The following ZBBX variants were observed in gnomAD, a reference collection of about 807,000 sequenced individuals.
ZBBX encodes zinc finger B-box domain containing, also known as zinc finger B-box domain-containing protein 1.
In ZBBX, 101 loss-of-function variants were observed where a neutral mutation model predicts 108.5. That is an observed-to-expected ratio of 0.93 (90% CI 0.79 to 1.10). The LOEUF is 1.10. Ranked by LOEUF, ZBBX falls within the 50% of genes least tolerant of loss-of-function variation. ZBBX has a pLI of 0.00. For synonymous variants in ZBBX, 356 were observed against 323.4 expected, an observed-to-expected ratio of 1.10 and a Z score of -1.08; for missense variants, 1,009 against 941.4, an observed-to-expected ratio of 1.07 and a Z score of -0.94.
At chr3:167,222,095 G>C in the ZBBX span, among the ~76,000 whole-genome samples, 1 of 151,930 alleles carries the variant, frequency 6.6e-6, no homozygotes, top group African/African-American at 2.4e-5. Context: ...TCAAGAGATA[G>C]CTGCACTTCT....
At chr3:167,219,973 T>C in the ZBBX span, among the ~76,000 whole-genome samples, 2,033 of 152,098 alleles carry the variant, frequency 0.013, 22 homozygotes, top group South Asian at 0.026. Flanking sequence ...TGAGGAACAA[T>C]GTGCCAATAA....
chr3:167,328,992 C>T (rs1737905350), intron 10 of ZBBX, among the ~76,000 whole-genome samples: 1 of 151,976 alleles, frequency 6.6e-6, no homozygotes, highest in Non-Finnish European at 1.5e-5. Context: ...TGGATTTTGT[C>T]TTTTTTCTTA....
At chr3:167,305,134 C>CCTT (rs1733391737) in intron 17 of ZBBX, among the ~76,000 whole-genome samples, 1 of 151,920 alleles carries the variant, frequency 6.6e-6, no homozygotes, top group Non-Finnish European at 1.5e-5. Context: ...TAATGAGCTA[C>CCTT]TTTACCTTTC....
rs1030722023 is a variant in ZBBX at position 167,386,974 on chromosome 3, G to A, written c.-445-6569C>T. ...AAGGGCAGATTTTTCATTAGATTTTGTAAAATATTTTATAATAACTGCCTT... is the reference window on the plus strand; with the variant it reads ...AAGGGCAGATTTTTCATTAGATTTTATAAAATATTTTATAATAACTGCCTT... On this transcript the variant is annotated intron_variant, in intron 1 of 21. Transcript: ENST00000455345. Among the ~76,000 whole-genome samples the A allele has an allele frequency of 4.6e-5, 7 of 151,868 alleles. No individual in the cohort carries two copies. The East Asian group carries it at 1.4e-3, about 29-fold the overall frequency.
chr3:167,221,673 A>C, the ZBBX span, among the ~76,000 whole-genome samples: 3 of 152,048 alleles, frequency 2.0e-5, no homozygotes, highest in African/African-American at 7.2e-5. Context: ...AAATGGGATC[A>C]CATCAATTTA....
intron 1 of ZBBX, among the ~76,000 whole-genome samples, chr3:167,399,888 GC>G (rs1336232614): frequency 1.1e-4 from 16 of 151,998 alleles, no homozygotes; most frequent in Non-Finnish European, 1.5e-4. Flanking sequence ...GTAGTCCTCA[GC>G]ATCTACTGTT....
At chr3:167,368,984 ATTTTTGCTGAACTGGTCAC>A (rs1248235592) in intron 4 of ZBBX, among the ~76,000 whole-genome samples, 1 of 152,094 alleles carries the variant, frequency 6.6e-6, no homozygotes. Flanking sequence ...CGAAATATAC[ATTTTTGCTGAACTGGTCAC>A]CTCCAAAATT....
At chr3:167,373,928 G>A (rs565614737) in intron 2 of ZBBX, 141 bp from the exon 3 acceptor site, 2 of 152,104 alleles carry the variant, frequency 1.3e-5, no homozygotes, top group African/African-American at 4.8e-5. Flanking sequence ...GATGTTCAAG[G>A]GTAAACTGTA....
At chr3:167,322,590 G>C (rs896453619) in intron 11 of ZBBX, among the ~76,000 whole-genome samples, 1 of 151,952 alleles carries the variant, frequency 6.6e-6, no homozygotes, top group Non-Finnish European at 1.5e-5. Context: ...AAGTGTTATA[G>C]CCACTGACAA....
chr3:167,393,665 C>T (rs939701383), intron 1 of ZBBX, among the ~76,000 whole-genome samples: 4 of 151,918 alleles, frequency 2.6e-5, no homozygotes, highest in South Asian at 2.1e-4. Flanking sequence ...TAGTTGTTTG[C>T]GTTTCACTGA....
intron 1 of ZBBX, among the ~76,000 whole-genome samples, chr3:167,400,029 G>C (rs1398852720): frequency 6.6e-6 from 1 of 152,100 alleles, no homozygotes; most frequent in Non-Finnish European, 1.5e-5. Flanking sequence ...TGCTGCAGAG[G>C]AAATGATTTC....
intron 11 of ZBBX, among the ~76,000 whole-genome samples, chr3:167,323,248 G>GA (rs1033381300): frequency 6.9e-6 from 1 of 145,178 alleles, no homozygotes; most frequent in Admixed American, 6.9e-5. Flanking sequence ...AGGGGGGGGG[G>GA]GGAAAGAACT....
At position 167,321,870 on chromosome 3, in the gene ZBBX, G is replaced by T. The variant is rs182501758; in HGVS notation, c.983+247C>A. On this transcript the variant is annotated intron_variant, in intron 12 of 21. Coordinates refer to ENST00000675490, the MANE Select transcript of ZBBX (RefSeq NM_001199201.2). The stretch of plus-strand genomic sequence containing the variant: ...TCTTCTTAAATTCATTTCTGCATTT[G>T]CGCCTTTTCCTTATATACACATTTC... Among the ~76,000 whole-genome samples, 400 of 151,726 alleles carry T rather than the reference G, an allele frequency of 2.6e-3. 3 individuals are homozygous for T. Among genetic ancestry groups the T allele is most frequent in the Admixed American group, 4.3e-3 (65 of 15,190 alleles).
At chr3:167,380,031 C>T (rs769297242) in intron 1 of ZBBX, among the ~76,000 whole-genome samples, 10 of 152,206 alleles carry the variant, frequency 6.6e-5, no homozygotes, top group South Asian at 6.2e-4. Flanking sequence ...GCCAGGGCCC[C>T]GTCCTGCTGC....
rs140736950 is a variant in ZBBX at position 167,364,050 on chromosome 3, T to C, written c.273+1836A>G. On this transcript the variant is annotated intron_variant, in intron 6 of 21. Coordinates refer to ENST00000675490, the MANE Select transcript of ZBBX (RefSeq NM_001199201.2). ...GAAAGGTTAAGTGAATGTTAATCTA[T>C]ATAATCTAATACAGAGTTTCTAGAC... Among the ~76,000 whole-genome samples the C allele has an allele frequency of 1.3e-4, 20 of 152,130 alleles. No homozygotes were observed. The East Asian group carries it at 2.5e-3, about 19-fold the overall frequency.
At chr3:167,318,918 TA>T (rs1312070164) in intron 12 of ZBBX, among the ~76,000 whole-genome samples, 1 of 151,818 alleles carries the variant, frequency 6.6e-6, no homozygotes, top group Non-Finnish European at 1.5e-5. Context: ...CACGCCTTAT[TA>T]AAATGTCAAA....
At chr3:167,315,719 A>C (rs370977145) in intron 15 of ZBBX, 31 bp downstream of exon 15, 1 of 1,514,622 alleles carries the variant, frequency 6.6e-7, no homozygotes, top group Admixed American at 1.7e-5. Flanking sequence ...GGGGCTCAAT[A>C]TGCACACAAA....
chr3:167,393,327 G>C (rs1748135235), intron 1 of ZBBX, among the ~76,000 whole-genome samples: 1 of 151,770 alleles, frequency 6.6e-6, no homozygotes, highest in Admixed American at 6.6e-5. Flanking sequence ...TGTTTGTTTA[G>C]CAGCTTAAGC....
rs1489906141 is a variant in ZBBX at position 167,282,276 on chromosome 3, T to C, written c.2216A>G (p.Asn739Ser). 1 of 1,612,492 alleles carries C rather than the reference T, an allele frequency of 6.2e-7. No individual in the cohort carries two copies. The highest frequency in any genetic ancestry group is 8.5e-7 in the Non-Finnish European group (1 of 1,179,418). The stretch of plus-strand genomic sequence containing the variant: ...CAGCACTTGTAATTCTTTTTCCAAA[T>C]TGTCTAAAGTATGTTGATCAGTAGT... The part of the protein sequence containing the change: ...DDTTDQHTLD[N>S]LEKELQVLRS... Residue 739 changes from asparagine to serine, a missense_variant, in exon 20 of 22, where the codon AAT becomes AGT. By Grantham distance (46) the Asn-to-Ser change is conservative (BLOSUM62 1). Coordinates refer to ENST00000675490, the MANE Select transcript of ZBBX (RefSeq NM_001199201.2).
Sources: gnomAD v4.1 joint callset for allele counts (sites outside exome capture counted in the v4.1 genomes callset) on GRCh38, gnomAD v4.1.1 for gene constraint, MANE v1.5 for transcripts, NCBI Gene and HGNC (gene_info 2026-07-23, HGNC 2026-07-21) for gene names.